Variants in TMCC2 observed in about 807,000 individuals in gnomAD.
The protein encoded by TMCC2 is transmembrane and coiled-coil domain family 2, also known as transmembrane and coiled-coil domains protein 2.
Under a neutral mutation model 49.4 loss-of-function variants are expected in TMCC2, and 16 were observed. The observed-to-expected ratio is 0.32, with a 90% CI of 0.22 to 0.49. The LOEUF (loss-of-function observed/expected upper bound fraction) is 0.49, where lower values mean the gene tolerates loss of function less well. Ranked by LOEUF, TMCC2 falls within the 20% of genes least tolerant of loss-of-function variation. The pLI, the probability that TMCC2 is intolerant of heterozygous loss-of-function variation, is 0.99. For missense variants in TMCC2, 762 were observed against 989.8 expected (o/e 0.77, Z 3.09); for synonymous variants, 397 against 434.1 (o/e 0.91, Z 1.06).
At position 205,272,319 on chromosome 1, in the gene TMCC2, C is replaced by G; in HGVS notation, c.*195C>G. 2 of 1,152,622 alleles carry G rather than the reference C, an allele frequency of 1.7e-6. No individual in the cohort carries two copies. Among genetic ancestry groups the G allele is most frequent in the Non-Finnish European group, 2.4e-6 (2 of 843,848 alleles). 71.4% of individuals were successfully genotyped at this position (1,152,622 alleles called of 1,614,324 possible). A position where few individuals can be genotyped will look rare whatever the true frequency, so the allele number is the denominator to read the frequency against. On this transcript the variant is annotated 3_prime_UTR_variant, in exon 5 of 5. Transcript: ENST00000358024. ...GTTGGCCTGAAGGGAGCTTAGAATGCAGCCCTACCTGGAGATAGTGCGGGC... is the reference window on the plus strand; with the variant it reads ...GTTGGCCTGAAGGGAGCTTAGAATGGAGCCCTACCTGGAGATAGTGCGGGC...
At chr1:205,237,426 A>G (rs1222334959) in intron 1 of TMCC2, among the ~76,000 whole-genome samples, 1 of 152,216 alleles carries the variant, frequency 6.6e-6, no homozygotes, top group African/African-American at 2.4e-5. Flanking sequence ...CTCACAGCCA[A>G]ACTGTTGGTA....
At chr1:205,265,692 C>G (rs1006961709) in intron 2 of TMCC2, among the ~76,000 whole-genome samples, 1 of 151,726 alleles carries the variant, frequency 6.6e-6, no homozygotes, top group Non-Finnish European at 1.5e-5. Context: ...TCCTCAGTAG[C>G]TGGGATTACA....
intron 1 of TMCC2, chr1:205,229,558 G>GGC: frequency 2.2e-6 from 1 of 460,948 alleles, no homozygotes; most frequent in Non-Finnish European, 2.5e-6. Context: ...GGGGGGGGGG[G>GGC]TGGTGGCGGG....
intron 2 of TMCC2, chr1:205,246,628 G>C (rs909188394): frequency 8.4e-6 from 13 of 1,550,418 alleles, no homozygotes; most frequent in Non-Finnish European, 4.4e-6. Flanking sequence ...GAATGAACCA[G>C]GTTGTTCAGC....
intron 1 of TMCC2, 34 bp downstream of exon 1, chr1:205,228,805 C>A: frequency 6.4e-7 from 1 of 1,554,798 alleles, no homozygotes; most frequent in South Asian, 1.2e-5. Context: ...CAAGCCCAGC[C>A]CGCGACTTAG....
intron 4 of TMCC2, 123 bp downstream of exon 4, chr1:205,271,378 T>A: frequency 1.3e-6 from 2 of 1,508,276 alleles, no homozygotes; most frequent in Non-Finnish European, 1.8e-6. Flanking sequence ...CCGGGGCCGA[T>A]AGGCACATGG....
chr1:205,239,281 T>A (rs560443886), intron 1 of TMCC2, among the ~76,000 whole-genome samples: 5 of 152,148 alleles, frequency 3.3e-5, no homozygotes, highest in Non-Finnish European at 7.4e-5. Flanking sequence ...CCCATCACAG[T>A]GTCTGGAGGG....
chr1:205,257,209 C>A, intron 2 of TMCC2: 1 of 1,232,382 alleles, frequency 8.1e-7, no homozygotes, highest in Non-Finnish European at 1.0e-6. Flanking sequence ...CTGGAGATGG[C>A]GGCTGCAGAG....
At chr1:205,235,835 C>T (rs910007898) in intron 1 of TMCC2, among the ~76,000 whole-genome samples, 4 of 152,072 alleles carry the variant, frequency 2.6e-5, no homozygotes, top group African/African-American at 2.4e-5. Flanking sequence ...TTTGGGAGGC[C>T]GAGGCAGGGG....
At chr1:205,261,192 T>C (rs1661097885) in intron 2 of TMCC2, among the ~76,000 whole-genome samples, 1 of 140,256 alleles carries the variant, frequency 7.1e-6, no homozygotes, top group East Asian at 2.1e-4. Flanking sequence ...CCAACACTTA[T>C]TTCCTTTTTT....
chr1:205,272,586 G>A lies in TMCC2; in HGVS notation c.*462G>A, dbSNP rs191763859. ...GGAGAGTGAGGGAGGAGGCTCTGCT[G>A]GCCGCAGAGAACACAGGGATGGGAG... On this transcript the variant is annotated 3_prime_UTR_variant, in exon 5 of 5. Coordinates refer to ENST00000358024, the MANE Select transcript of TMCC2 (RefSeq NM_014858.4). 4.3e-4 allele frequency: 74 copies of A among 173,902 alleles called. 1 individual carries two copies. The highest frequency in any genetic ancestry group is 1.7e-3 in the African/African-American group (73 of 42,080). 10.8% of individuals were successfully genotyped at this position (173,902 alleles called of 1,614,324 possible).
chr1:205,258,556 C>T (rs757913676), intron 2 of TMCC2, among the ~76,000 whole-genome samples: 5 of 152,166 alleles, frequency 3.3e-5, no homozygotes, highest in Non-Finnish European at 7.3e-5. Flanking sequence ...TGTGATGACA[C>T]ATCCAGAGCT....
At chr1:205,258,515 C>A (rs1234440271) in intron 2 of TMCC2, among the ~76,000 whole-genome samples, 1 of 152,140 alleles carries the variant, frequency 6.6e-6, no homozygotes, top group South Asian at 2.1e-4. Context: ...CACCCCCACC[C>A]CTTTGCCCAC....
At chr1:205,249,596 C>G (rs1026354592) in intron 2 of TMCC2, among the ~76,000 whole-genome samples, 1 of 152,248 alleles carries the variant, frequency 6.6e-6, no homozygotes, top group African/African-American at 2.4e-5. Flanking sequence ...GCCACTCTGC[C>G]TGTTCACACG....
chr1:205,249,642 T>A (rs1660590081), intron 2 of TMCC2, among the ~76,000 whole-genome samples: 1 of 152,206 alleles, frequency 6.6e-6, no homozygotes, highest in Non-Finnish European at 1.5e-5. Flanking sequence ...ACCACGCAGG[T>A]ACATGCGCCA....
At chr1:205,240,436 T>A (rs181888808) in intron 1 of TMCC2, among the ~76,000 whole-genome samples, 5 of 152,382 alleles carry the variant, frequency 3.3e-5, no homozygotes, top group Admixed American at 2.6e-4. Flanking sequence ...GGATAGCTTG[T>A]TCTGATGTGT....
intron 2 of TMCC2, among the ~76,000 whole-genome samples, chr1:205,250,233 G>A (rs1660612299): frequency 6.6e-6 from 1 of 152,222 alleles, no homozygotes; most frequent in East Asian, 1.9e-4. Context: ...AACACCCACT[G>A]ACTTTCTTTC....
At chr1:205,230,989 T>TCCCCC (rs1163175668) in intron 1 of TMCC2, among the ~76,000 whole-genome samples, 1 of 1,952 alleles carries the variant, frequency 5.1e-4, no homozygotes, top group Admixed American at 5.1e-3. Context: ...ATCCACCCCA[T>TCCCCC]CCCCCCATCC....
At chr1:205,252,410 G>A (rs1018368541) in intron 2 of TMCC2, among the ~76,000 whole-genome samples, 2 of 152,334 alleles carry the variant, frequency 1.3e-5, no homozygotes, top group Middle Eastern at 6.8e-3. Flanking sequence ...TTCCTAGGAA[G>A]CATGCCCACC....
Sources: allele counts gnomAD v4.1 joint callset (sites outside exome capture counted in the v4.1 genomes callset), GRCh38; gene constraint gnomAD v4.1.1; transcripts MANE v1.5; gene names NCBI Gene and HGNC (gene_info 2026-07-23, HGNC 2026-07-21).